ASPM: variants seen among roughly 807,000 people sequenced by gnomAD.
ASPM encodes abnormal spindle-like microcephaly-associated protein.
ASPM carries 256 observed loss-of-function variants against 366.4 expected under a neutral mutation model. The ratio of observed to expected loss-of-function variants is 0.70; its 90% CI spans 0.63 to 0.77. ASPM has a LOEUF of 0.77. ASPM is among the 30% of genes least tolerant of loss of function. The pLI, the probability that ASPM is intolerant of heterozygous loss-of-function variation, is 0.00. For missense variants in ASPM, 4,146 were observed against 4,090.4 expected, an observed-to-expected ratio of 1.01 and a Z score of -0.37; for synonymous variants, 1,414 against 1,342.9, an observed-to-expected ratio of 1.05 and a Z score of -1.16.
At chr1:197,138,766 GTCTT>G (rs781115537) in intron 4 of ASPM, 3 of 727,240 alleles carry the variant, frequency 4.1e-6, no homozygotes, top group Non-Finnish European at 7.5e-6. Flanking sequence ...TACGATGTTT[GTCTT>G]TCTTTGTATT....
chr1:197,105,766 A>C (rs1465998548), intron 17 of ASPM, among the ~76,000 whole-genome samples: 1 of 152,030 alleles, frequency 6.6e-6, no homozygotes, highest in Non-Finnish European at 1.5e-5. Flanking sequence ...TACATGGCTT[A>C]AAAGTAGAAT....
At chr1:197,118,084 C>G (rs1657796279) in intron 16 of ASPM, 101 bp from the exon 17 acceptor site, 5 of 1,162,324 alleles carry the variant, frequency 4.3e-6, no homozygotes, top group Admixed American at 3.7e-5. Flanking sequence ...CAAATTGATA[C>G]TGGAAATAAA....
Position 197,125,302 on chromosome 1 carries a change from T to C in ASPM, c.2937-111A>G, listed in dbSNP as rs981436202. Reference sequence around the variant, plus strand: ...AAATCCCAACAGTTACAGGGCTTTATGATCAGAAAGACTTCAAAAAACTAT... The same window carrying C: ...AAATCCCAACAGTTACAGGGCTTTACGATCAGAAAGACTTCAAAAAACTAT... On this transcript the variant is annotated intron_variant, in intron 10 of 27. Transcript: ENST00000367409. The C allele has an allele frequency of 1.0e-5, 14 of 1,335,484 alleles. No homozygotes were observed. In the African/African-American group the frequency reaches 1.9e-4, roughly 18 times the overall value. 82.7% of individuals were successfully genotyped at this position (1,335,484 alleles called of 1,614,324 possible).
chr1:197,142,779 T>C lies in ASPM; in HGVS notation c.1473A>G (p.Pro491=), dbSNP rs1451218407. The C allele has an allele frequency of 6.2e-7, 1 of 1,613,680 alleles. No homozygotes were observed. Among genetic ancestry groups the C allele is most frequent in the South Asian group, 1.1e-5 (1 of 91,068 alleles). The stretch of plus-strand genomic sequence containing the variant: ...TTTTAGTAACAGTGGCAGAAAGTAT[T>C]GGACGTCTCTTAGGTTGTTTATTGT... ...HSHNKQPKRR[P]ILSATVTKRK... Residue 491 remains proline (P), a synonymous_variant, in exon 3 of 28, where the codon CCA becomes CCG. Coordinates refer to ENST00000367409, the MANE Select transcript of ASPM (RefSeq NM_018136.5).
chr1:197,090,715 A>G (rs987000228), intron 23 of ASPM, 135 bp downstream of exon 23: 97 of 798,078 alleles, frequency 1.2e-4, no homozygotes, highest in Admixed American at 2.3e-5. Context: ...TTATGGTAGT[A>G]TAGTGCTTAT....
At chr1:197,100,102 T>C (rs974377126) in intron 18 of ASPM, among the ~76,000 whole-genome samples, 2 of 151,762 alleles carry the variant, frequency 1.3e-5, no homozygotes, top group African/African-American at 4.8e-5. Flanking sequence ...TACTTTATCT[T>C]AGCTTATATT....
intron 22 of ASPM, 73 bp from the exon 23 acceptor site, chr1:197,091,114 T>C: frequency 8.3e-7 from 1 of 1,200,932 alleles, no homozygotes; most frequent in Non-Finnish European, 1.2e-6. Flanking sequence ...AATATACATT[T>C]ATACATAAAT....
intron 5 of ASPM, 99 bp downstream of exon 5, chr1:197,134,997 A>C: frequency 1.0e-6 from 1 of 961,530 alleles, no homozygotes; most frequent in Non-Finnish European, 1.6e-6. Flanking sequence ...TTATGCCATT[A>C]ATTATAATAA....
rs1164662193 is a variant in ASPM at position 197,103,227 on chromosome 1, A to T, written c.6024T>A (p.Ser2008Arg). The T allele has an allele frequency of 1.2e-6, 2 of 1,612,774 alleles. No individual in the cohort carries two copies. Among genetic ancestry groups the T allele is most frequent in the Non-Finnish European group, 1.7e-6 (2 of 1,179,388 alleles). ...LLIQKYYRAYSIGREQNHLYL... is the reference protein window; with the variant it reads ...LLIQKYYRAYRIGREQNHLYL... ...ATAAATGATTCTGTTCTCTTCCAAT[A>T]CTGTAAGCCCTATAATACTTTTGAA... is the stretch of plus-strand genomic sequence containing the variant. The change falls in exon 18 of 28, where the codon AGT (serine) becomes AGA (arginine). Residue 2008 changes from serine (S) to arginine (R), a missense_variant. Around this residue, in one of 3 missense-constraint regions of ASPM, gnomAD observed 3,624 missense variants for 3,591.7 expected, o/e 1.01. Transcript: ENST00000367409.
rs587783295 is a variant in ASPM at position 197,090,004 on chromosome 1, G to A, written c.9910C>T (p.Arg3304Ter). The part of the protein sequence containing the change: ...GAISKIFVLI[R>*]SCNRSIPCME... ...CAAGGAATACTGCGATTACAACTTCGGATCAAAACAAATATTTTAGAAATT... is the reference window on the plus strand; with the variant it reads ...CAAGGAATACTGCGATTACAACTTCAGATCAAAACAAATATTTTAGAAATT... Residue 3304 changes from arginine (R) to a stop codon, truncating the protein, a stop_gained, in exon 25 of 28, where the codon CGA becomes TGA. Coordinates refer to ENST00000367409, the MANE Select transcript of ASPM (RefSeq NM_018136.5). LOFTEE classifies it high-confidence loss of function. 2.4e-5 allele frequency: 38 copies of A among 1,612,788 alleles called. No homozygotes were observed. Among genetic ancestry groups the A allele is most frequent in the Admixed American group, 1.7e-4 (10 of 59,902 alleles).
intron 13 of ASPM, 127 bp downstream of exon 13, chr1:197,123,983 G>A (rs541205488): frequency 2.3e-5 from 17 of 752,598 alleles, no homozygotes; most frequent in Non-Finnish European, 3.5e-5. Flanking sequence ...TCACTCATTT[G>A]AGGGAAAGTT....
At chr1:197,123,866 T>C (rs1297871845) in intron 13 of ASPM, among the ~76,000 whole-genome samples, 1 of 152,158 alleles carries the variant, frequency 6.6e-6, no homozygotes, top group East Asian at 1.9e-4. Context: ...TGCAAGCATC[T>C]TCTACTAAGA....
Position 197,144,099 on chromosome 1 carries a change from G to C in ASPM, c.299C>G (p.Pro100Arg), listed in dbSNP as rs1370425853. ...AACAGAAATAACAATTTTCTCTTTA[G>C]GCTATAATCAAAACAATACATTATA... ...SVSQRCFVLQPKEKIVISVNW... is the reference protein window; with the variant it reads ...SVSQRCFVLQRKEKIVISVNW... Residue 100 changes from proline (P) to arginine (R), a missense_variant and splice_region_variant, in exon 2 of 28, where the codon CCT becomes CGT. Coordinates refer to ENST00000367409, the MANE Select transcript of ASPM (RefSeq NM_018136.5). 4 of 1,595,456 alleles carry C rather than the reference G, an allele frequency of 2.5e-6. No homozygotes were observed. The highest frequency in any genetic ancestry group is 3.4e-6 in the Non-Finnish European group (4 of 1,163,826).
chr1:197,137,644 C>T (rs1172721107), intron 4 of ASPM, among the ~76,000 whole-genome samples: 4 of 152,118 alleles, frequency 2.6e-5, no homozygotes, highest in African/African-American at 9.7e-5. Flanking sequence ...TCATGCCCAG[C>T]CAACTTCTGC....
rs137852994 is a variant in ASPM, at chr1:197,093,168, G to A, written c.9178C>T (p.Gln3060Ter). ...GCCTCCCTGGCTCGTATATATTTTT[G>A]TATGATCAAAGCAGCAGATTTCTGC... ...LRQKSAALIIQKYIRAREAGK... is the reference protein window; with the variant it reads ...LRQKSAALII The change falls in exon 21 of 28, where the codon CAA (glutamine) becomes TAA (stop). Residue 3060 changes from glutamine (Q) to a stop codon, truncating the protein, a stop_gained. Transcript: ENST00000367409. LOFTEE classifies it high-confidence loss of function. 35 of 1,612,270 alleles carry A rather than the reference G, an allele frequency of 2.2e-5. No homozygotes were observed. In the Admixed American group the frequency reaches 5.0e-4, roughly 23 times the overall value.
At chr1:197,096,282 T>C (rs1411662683) in intron 18 of ASPM, 118 bp from the exon 19 acceptor site, 3 of 879,226 alleles carry the variant, frequency 3.4e-6, no homozygotes, top group East Asian at 2.5e-5. Context: ...ATAAATTGCA[T>C]AGTCATATCA....
At chr1:197,110,645 GA>G (rs1216752427) in intron 17 of ASPM, among the ~76,000 whole-genome samples, 1 of 151,994 alleles carries the variant, frequency 6.6e-6, no homozygotes, top group Non-Finnish European at 1.5e-5. Flanking sequence ...TTACCTACTA[GA>G]TATCCAGATT....
At position 197,133,564 on chromosome 1, in the gene ASPM, C is replaced by T. The variant is rs755350285; in HGVS notation, c.2205G>A (p.Glu735=). 5.9e-5 allele frequency: 95 copies of T among 1,613,398 alleles called. 1 individual carries two copies. In the Admixed American group the frequency reaches 1.4e-3, roughly 23 times the overall value. The change falls in exon 6 of 28, where the codon GAG becomes GAA. Residue 735 remains glutamate, a synonymous_variant. Transcript: ENST00000367409. ...VNAATLLLGI[E]NQHKISVPRA... is the part of the protein sequence containing the mutation. ...TAGGAACACTTATTTTATGTTGATT[C>T]TCTATTCCCAAAAGAAGAGTAGCAG...
chr1:197,129,937 A>T lies in ASPM; in HGVS notation c.2607T>A (p.Thr869=). The T allele has an allele frequency of 1.2e-6, 2 of 1,613,936 alleles. No individual in the cohort carries two copies. The highest frequency in any genetic ancestry group is 1.1e-5 in the South Asian group (1 of 91,084). ...PDIAAEYRHP[T]VPHLYRDGHE... is the part of the protein sequence containing the mutation. ...TACCATCTCTATACAGGTGAGGAAC[A>T]GTGGGGTGTCTATACTCAGCTGCTA... is the stretch of plus-strand genomic sequence containing the variant. Residue 869 remains threonine (T), a synonymous_variant, in exon 8 of 28, where the codon ACT becomes ACA. Transcript: ENST00000367409.
Sources: allele counts gnomAD v4.1 joint callset (sites outside exome capture counted in the v4.1 genomes callset), GRCh38; gene constraint gnomAD v4.1.1; regional missense constraint gnomAD v4.1.1; transcripts MANE v1.5; gene names NCBI Gene and HGNC (gene_info 2026-07-23, HGNC 2026-07-21).